RIMS2: variants seen among roughly 807,000 people sequenced by gnomAD.
The protein encoded by RIMS2 is regulating synaptic membrane exocytosis protein 2.
In RIMS2, 59 loss-of-function variants were observed where a neutral mutation model predicts 174.4. The ratio of observed to expected loss-of-function variants is 0.34; its 90% confidence interval spans 0.27 to 0.42. The LOEUF is 0.42. Among genes scored for constraint, RIMS2 ranks in the 10% least tolerant of loss-of-function variants. The probability of loss-of-function intolerance (pLI) is 1.00; values close to 1 mark genes in which losing one functional copy is unlikely to be tolerated. For synonymous variants in RIMS2, 606 were observed against 572.5 expected, an observed-to-expected ratio of 1.06 and a Z score of -0.84; for missense variants, 1,620 against 1,666.3, an observed-to-expected ratio of 0.97 and a Z score of 0.48.
At chr8:104,132,577 G>T (rs1031684073) in intron 19 of RIMS2, among the ~76,000 whole-genome samples, 1 of 152,078 alleles carries the variant, frequency 6.6e-6, no homozygotes, top group Non-Finnish European at 1.5e-5. Context: ...TGTTGACCGG[G>T]TATACAGAGA....
chr8:103,975,386 C>T (rs368660775), exon 16 of RIMS2: 2 of 1,612,742 alleles, frequency 1.2e-6, no homozygotes, highest in African/African-American at 2.7e-5. Context: ...CAAAGCTCAA[C>T]ATTATCAGTG....
At chr8:104,041,583 A>G (rs2096610055) in intron 19 of RIMS2, among the ~76,000 whole-genome samples, 1 of 151,672 alleles carries the variant, frequency 6.6e-6, no homozygotes, top group South Asian at 2.1e-4. Context: ...TGTAATATGT[A>G]TAGATGTAAT....
At chr8:104,253,839 G>C (rs1177463735), downstream of RIMS2, 1 of 152,118 alleles carries the variant, frequency 6.6e-6, no homozygotes, top group African/African-American at 2.4e-5. Flanking sequence ...TATCATGCTT[G>C]ATACGGTGCA....
intron 10 of RIMS2, chr8:103,927,836 T>A: frequency 1.2e-6 from 2 of 1,604,766 alleles, no homozygotes; most frequent in Non-Finnish European, 1.7e-6. Context: ...TAATTTTGCT[T>A]ACCAGAGCCA....
chr8:103,865,951 T>G (rs951023540), intron 3 of RIMS2, among the ~76,000 whole-genome samples: 22 of 152,322 alleles, frequency 1.4e-4, no homozygotes, highest in Non-Finnish European at 3.1e-4. Context: ...CTACAAGTGT[T>G]TCAATTATTT....
intron 2 of RIMS2, among the ~76,000 whole-genome samples, chr8:103,748,403 C>T (rs774969215): frequency 2.0e-5 from 3 of 152,044 alleles, no homozygotes; most frequent in Admixed American, 6.6e-5. Context: ...GTGATCAATC[C>T]CACCTCTGCA....
chr8:103,988,638 T>C (rs1476146895), intron 16 of RIMS2, among the ~76,000 whole-genome samples: 3 of 152,146 alleles, frequency 2.0e-5, no homozygotes, highest in African/African-American at 7.2e-5. Context: ...TTTTTATTTT[T>C]TAGTAGAGAC....
At chr8:103,725,489 T>C (rs1224268866) in intron 2 of RIMS2, among the ~76,000 whole-genome samples, 2 of 152,228 alleles carry the variant, frequency 1.3e-5, no homozygotes, top group Non-Finnish European at 2.9e-5. Flanking sequence ...TCATATAATA[T>C]GTAGTGTCCT....
At chr8:103,508,377 A>T (rs189636471) in intron 1 of RIMS2, among the ~76,000 whole-genome samples, 1 of 151,418 alleles carries the variant, frequency 6.6e-6, no homozygotes, top group Non-Finnish European at 1.5e-5. Context: ...TGATGAGTAG[A>T]TGTTAGCTGG....
At chr8:103,533,639 G>A (rs2469980) in intron 1 of RIMS2, among the ~76,000 whole-genome samples, 30,777 of 141,872 alleles carry the variant, frequency 0.22, 3,660 homozygotes, top group South Asian at 0.33. Flanking sequence ...TCCAGCCTGG[G>A]GGACAAAGCG....
intron 3 of RIMS2, among the ~76,000 whole-genome samples, chr8:103,793,744 C>T (rs2098523666): frequency 1.3e-5 from 2 of 152,140 alleles, no homozygotes; most frequent in South Asian, 2.1e-4. Context: ...TCTCAGGGTA[C>T]AAAATCAATG....
intron 1 of RIMS2, among the ~76,000 whole-genome samples, chr8:103,675,616 C>T (rs141931568): frequency 9.4e-4 from 143 of 152,296 alleles, no homozygotes; most frequent in African/African-American, 3.1e-3. Flanking sequence ...GACCTTGAAA[C>T]ATGTAACAGA....
At chr8:103,762,020 A>T (rs890597479) in intron 2 of RIMS2, among the ~76,000 whole-genome samples, 113 of 139,814 alleles carry the variant, frequency 8.1e-4, no homozygotes, top group Admixed American at 1.4e-3. Context: ...CCTAATGTAA[A>T]TTTTTTTTTT....
chr8:104,107,547 T>C (rs779501487), intron 19 of RIMS2, among the ~76,000 whole-genome samples: 1 of 152,262 alleles, frequency 6.6e-6, no homozygotes, highest in Non-Finnish European at 1.5e-5. Context: ...AGTGAAAGTT[T>C]ACACATGTGA....
At chr8:103,553,900 C>A (rs1038401274) in intron 1 of RIMS2, among the ~76,000 whole-genome samples, 1 of 152,052 alleles carries the variant, frequency 6.6e-6, no homozygotes, top group African/African-American at 2.4e-5. Flanking sequence ...TAATGCTACA[C>A]ACCTATAATC....
chr8:103,801,145 C>T (rs562985118), intron 3 of RIMS2, among the ~76,000 whole-genome samples: 4 of 151,978 alleles, frequency 2.6e-5, no homozygotes, highest in East Asian at 1.9e-4. Flanking sequence ...CCACCACACT[C>T]GGCTAATTTT....
intron 1 of RIMS2, among the ~76,000 whole-genome samples, chr8:103,541,504 GA>G (rs1288569149): frequency 2.6e-5 from 4 of 151,590 alleles, no homozygotes; most frequent in Admixed American, 2.0e-4. Flanking sequence ...CCAGCTGAAA[GA>G]AAAAAAAGAA....
intron 19 of RIMS2, among the ~76,000 whole-genome samples, chr8:104,203,798 C>T (rs949755792): frequency 6.6e-6 from 1 of 152,158 alleles, no homozygotes; most frequent in African/African-American, 2.4e-5. Context: ...GCCACAGTGC[C>T]TGATCTACTT....
chr8:103,613,813 G>A (rs1427523268), intron 1 of RIMS2, among the ~76,000 whole-genome samples: 1 of 152,114 alleles, frequency 6.6e-6, no homozygotes, highest in East Asian at 1.9e-4. Context: ...CATGGTCCTG[G>A]GTGTGTCTAG....
Sources: gnomAD v4.1 joint callset for allele counts (sites outside exome capture counted in the v4.1 genomes callset) on GRCh38, gnomAD v4.1.1 for gene constraint, MANE v1.5 for transcripts, NCBI Gene and HGNC (gene_info 2026-07-23, HGNC 2026-07-21) for gene names.